RABGAP1L: variants seen among roughly 807,000 people sequenced by gnomAD.
RABGAP1L encodes rab GTPase-activating protein 1-like.
In RABGAP1L, 63 loss-of-function variants were observed where a neutral mutation model predicts 137.7. That is an observed-to-expected ratio of 0.46 (90% CI 0.37 to 0.56). RABGAP1L has a LOEUF of 0.56. Among genes scored for constraint, RABGAP1L ranks in the 20% least tolerant of loss-of-function variants. The pLI, the probability that RABGAP1L is intolerant of heterozygous loss-of-function variation, is 0.00. For missense variants in RABGAP1L, 1,095 were observed against 1,244.0 expected (o/e 0.88, Z 1.80); for synonymous variants, 431 against 433.7 (o/e 0.99, Z 0.08).
At chr1:174,661,654 A>G (rs1308013342) in intron 14 of RABGAP1L, among the ~76,000 whole-genome samples, 2 of 152,166 alleles carry the variant, frequency 1.3e-5, no homozygotes, top group Non-Finnish European at 2.9e-5. Flanking sequence ...TGCAGCAATA[A>G]ACTCTTTTGG....
intron 14 of RABGAP1L, among the ~76,000 whole-genome samples, chr1:174,642,816 G>A (rs970903065): frequency 7.4e-6 from 1 of 134,614 alleles, no homozygotes; most frequent in African/African-American, 2.9e-5. Context: ...TCGGGGTCTT[G>A]TTCTGTTGCC....
intron 11 of RABGAP1L, chr1:174,365,418 C>G (rs1454298523): frequency 6.6e-6 from 1 of 152,128 alleles, no homozygotes; most frequent in Admixed American, 6.5e-5. Context: ...GAATTGCAGT[C>G]TTTGCATTCT....
intron 16 of RABGAP1L, among the ~76,000 whole-genome samples, chr1:174,700,029 G>A (rs1055756560): frequency 3.9e-5 from 6 of 152,064 alleles, no homozygotes; most frequent in Non-Finnish European, 7.4e-5. Context: ...AGTCCACGTA[G>A]AACACTTGGA....
At chr1:174,452,499 G>A (rs1320501472) in intron 13 of RABGAP1L, among the ~76,000 whole-genome samples, 1 of 152,166 alleles carries the variant, frequency 6.6e-6, no homozygotes, top group Admixed American at 6.6e-5. Context: ...TGTGTGCCCA[G>A]CATAGCTCCT....
chr1:174,709,038 T>C (rs1680272705), intron 17 of RABGAP1L, among the ~76,000 whole-genome samples: 1 of 152,148 alleles, frequency 6.6e-6, no homozygotes, highest in Admixed American at 6.5e-5. Context: ...CCCCTCACAG[T>C]GTAAACAAAG....
chr1:174,216,013 T>C (rs74749233), intron 1 of RABGAP1L, among the ~76,000 whole-genome samples: 9,198 of 152,252 alleles, frequency 0.06, 969 homozygotes, highest in African/African-American at 0.21. Flanking sequence ...TGAAAGCAGA[T>C]GTCATTAGGT....
At chr1:174,527,901 C>CTTTTTTTTTTTTTTTTTT (rs57707616) in intron 13 of RABGAP1L, among the ~76,000 whole-genome samples, 4 of 124,822 alleles carry the variant, frequency 3.2e-5, no homozygotes, top group African/African-American at 1.3e-4. Flanking sequence ...ATATACTTGT[C>CTTTTTTTTTTTTTTTTTT]TTTTTTTTTT....
At chr1:174,869,731 G>C (rs534518731) in intron 19 of RABGAP1L, among the ~76,000 whole-genome samples, 1 of 152,096 alleles carries the variant, frequency 6.6e-6, no homozygotes, top group African/African-American at 2.4e-5. Flanking sequence ...TAAGAGACGG[G>C]ATCTTTGACT....
chr1:174,720,558 C>T (rs1754369), intron 17 of RABGAP1L, among the ~76,000 whole-genome samples: 1,649 of 152,144 alleles, frequency 0.011, 14 homozygotes, highest in Non-Finnish European at 0.014. Context: ...TCAAGTAATC[C>T]GCCCACCTCA....
intron 1 of RABGAP1L, among the ~76,000 whole-genome samples, chr1:174,168,370 A>G (rs1665083561): frequency 1.3e-5 from 2 of 151,974 alleles, no homozygotes; most frequent in South Asian, 2.1e-4. Context: ...ATATATTGGC[A>G]GACAGTAGGG....
chr1:174,784,440 C>A lies in RABGAP1L; in HGVS notation c.2212-27392C>A, dbSNP rs1228309483. On this transcript the variant is annotated intron_variant, in intron 18 of 25. Transcript: ENST00000681986. Reference sequence around the variant, plus strand: ...ATCTTATCTCAGATTTCTTTTCTTTCTTTTATATGACCAGTGTGCAATCCC... The same window carrying A: ...ATCTTATCTCAGATTTCTTTTCTTTATTTTATATGACCAGTGTGCAATCCC... Among the ~76,000 whole-genome samples, 2 of 152,020 alleles carry A rather than the reference C, an allele frequency of 1.3e-5. 1 individual carries two copies.
At chr1:174,932,421 G>C (rs1284933980) in intron 19 of RABGAP1L, among the ~76,000 whole-genome samples, 2 of 151,916 alleles carry the variant, frequency 1.3e-5, no homozygotes, top group Non-Finnish European at 2.9e-5. Flanking sequence ...GAGTTTGTCT[G>C]GTGGTTCCTT....
intron 19 of RABGAP1L, among the ~76,000 whole-genome samples, chr1:174,918,993 C>T (rs534487900): frequency 1.6e-4 from 24 of 149,746 alleles, no homozygotes; most frequent in Non-Finnish European, 1.0e-4. Context: ...TCTGCCTAAG[C>T]GACAGAGCAA....
intron 19 of RABGAP1L, among the ~76,000 whole-genome samples, chr1:174,870,083 T>G (rs759445078): frequency 6.6e-6 from 1 of 152,218 alleles, no homozygotes; most frequent in African/African-American, 2.4e-5. Flanking sequence ...CCACACTTCC[T>G]TTCTCTAATG....
At chr1:174,231,408 G>C in intron 4 of RABGAP1L, 53 bp downstream of exon 4, 1 of 1,507,886 alleles carries the variant, frequency 6.6e-7, no homozygotes, top group East Asian at 2.3e-5. Flanking sequence ...TTGGGTGGTG[G>C]TGAAGATGTT....
intron 13 of RABGAP1L, among the ~76,000 whole-genome samples, chr1:174,527,266 C>T (rs1363905228): frequency 1.3e-4 from 20 of 148,276 alleles, no homozygotes; most frequent in Middle Eastern, 3.7e-3. Flanking sequence ...TTCAGTGGCA[C>T]GATCTTGGCT....
intron 19 of RABGAP1L, among the ~76,000 whole-genome samples, chr1:174,844,762 A>G (rs1282456419): frequency 1.5e-5 from 1 of 66,750 alleles, no homozygotes; most frequent in African/African-American, 5.9e-5. Context: ...TTCTGTGAAG[A>G]AAGTCATTGG....
intron 19 of RABGAP1L, among the ~76,000 whole-genome samples, chr1:174,954,563 T>C (rs1006023868): frequency 6.6e-5 from 10 of 152,340 alleles, no homozygotes; most frequent in African/African-American, 2.4e-4. Context: ...TTTAAAAATA[T>C]GGTTTCAGAA....
intron 20 of RABGAP1L, chr1:174,964,842 A>G: frequency 7.1e-7 from 1 of 1,414,896 alleles, no homozygotes; most frequent in South Asian, 1.5e-5. Context: ...AGGAAAAGCA[A>G]AAGAGCATTA....
Sources: allele counts gnomAD v4.1 joint callset (sites outside exome capture counted in the v4.1 genomes callset), GRCh38; gene constraint gnomAD v4.1.1; transcripts MANE v1.5; gene names NCBI Gene and HGNC (gene_info 2026-07-23, HGNC 2026-07-21).